DACH1: variants seen among roughly 807,000 people sequenced by gnomAD.
DACH1 encodes the protein dachshund homolog 1.
DACH1 carries 12 observed loss-of-function variants against 54.2 expected under a neutral mutation model. The ratio of observed to expected loss-of-function variants is 0.22; its 90% confidence interval spans 0.14 to 0.36. The LOEUF (loss-of-function observed/expected upper bound fraction) is 0.36. Among genes scored for constraint, DACH1 ranks in the 10% least tolerant of loss-of-function variants. The pLI is 1.00. For synonymous variants in DACH1, 386 were observed against 366.2 expected (o/e 1.05, Z -0.62); for missense variants, 805 against 929.8 (o/e 0.87, Z 1.75).
chr13:71,577,393 C>T (rs1885595471), intron 3 of DACH1, among the ~76,000 whole-genome samples: 1 of 152,164 alleles, frequency 6.6e-6, no homozygotes, highest in Non-Finnish European at 1.5e-5. Context: ...CACAGCCATA[C>T]CTGTCAGTTG....
intron 6 of DACH1, among the ~76,000 whole-genome samples, chr13:71,552,954 G>C (rs1377916070): frequency 6.8e-6 from 1 of 146,768 alleles, no homozygotes; most frequent in Non-Finnish European, 1.5e-5. Context: ...AGCCAAGGCA[G>C]GTGGATCACC....
chr13:71,560,760 T>C lies in DACH1; in HGVS notation c.1300-805A>G, dbSNP rs193270221. 4.1e-3 allele frequency among the ~76,000 whole-genome samples: 628 copies of C among 152,268 alleles called. 4 individuals carry two copies. The highest frequency in any genetic ancestry group is 7.0e-3 in the Non-Finnish European group (476 of 68,014). On this transcript the variant is annotated intron_variant, in intron 4 of 10. Transcript: ENST00000613252. ...AATGTCTCCAATTAGCTATTATAAA[T>C]GGAATTACAGATTAAGAAAGAAGGT...
intron 3 of DACH1, among the ~76,000 whole-genome samples, chr13:71,604,244 A>G (rs1328944776): frequency 6.6e-6 from 1 of 152,016 alleles, no homozygotes; most frequent in Non-Finnish European, 1.5e-5. Flanking sequence ...ATACTTTAAA[A>G]TGTGCTTTAA....
intron 2 of DACH1, among the ~76,000 whole-genome samples, chr13:71,633,971 CTT>C (rs5804582): frequency 0.12 from 17,208 of 142,290 alleles, 2,403 homozygotes; most frequent in African/African-American, 0.34. Context: ...TTTTTTCTTC[CTT>C]TTTTTTTTTT....
chr13:71,809,597 T>C (rs1054642253), intron 1 of DACH1, among the ~76,000 whole-genome samples: 1 of 152,220 alleles, frequency 6.6e-6, no homozygotes, highest in African/African-American at 2.4e-5. Flanking sequence ...TTTAAATGAA[T>C]GTAATTGCTG....
chr13:71,798,250 G>A (rs1359836501), intron 1 of DACH1, among the ~76,000 whole-genome samples: 1 of 148,554 alleles, frequency 6.7e-6, no homozygotes, highest in African/African-American at 2.5e-5. Context: ...GCTTTTATCT[G>A]TTTGACTTTT....
chr13:71,748,182 A>T (rs1260129989), intron 1 of DACH1, among the ~76,000 whole-genome samples: 1 of 152,214 alleles, frequency 6.6e-6, no homozygotes, highest in African/African-American at 2.4e-5. Context: ...CTGAAAAAAA[A>T]AAAAGGAGCA....
Position 71,475,191 on chromosome 13 carries a change from A to T in DACH1, c.2033T>A (p.Ile678Lys), listed in dbSNP as rs778378983. The change falls in exon 10 of 11, where the codon ATA becomes AAA. Residue 678 changes from isoleucine (I) to lysine (K), a missense_variant. Physicochemically the swap from Ile to Lys is moderately radical, Grantham distance 102. Around this residue, in one of 3 missense-constraint regions of DACH1, gnomAD observed 472 missense variants for 545.3 expected, o/e 0.87. Coordinates refer to ENST00000613252, the MANE Select transcript of DACH1 (RefSeq NM_080759.6). Reference protein sequence around the residue: ...RVLNDSLTPEIEADRSGGRTD... With the variant: ...RVLNDSLTPEKEADRSGGRTD... ...TCTGCCGCCACTGCGGTCAGCCTCT[A>T]TCTCTGGGGTCAGAGAGTCTAAAAG... 6.2e-7 allele frequency: 1 copy of T among 1,613,908 alleles called. No individual in the cohort carries two copies. Among genetic ancestry groups the T allele is most frequent in the Non-Finnish European group, 8.5e-7 (1 of 1,179,844 alleles).
chr13:71,680,865 G>A (rs1849351437), intron 2 of DACH1, among the ~76,000 whole-genome samples: 1 of 151,928 alleles, frequency 6.6e-6, no homozygotes, highest in Admixed American at 6.6e-5. Flanking sequence ...AGAGCACACA[G>A]AAAGACAAAT....
At chr13:71,640,019 T>G (rs192581202) in intron 2 of DACH1, among the ~76,000 whole-genome samples, 1 of 152,056 alleles carries the variant, frequency 6.6e-6, no homozygotes, top group East Asian at 1.9e-4. Flanking sequence ...ATTTTACTGA[T>G]GATTAAATTT....
At chr13:71,838,652 AGTTT>A (rs1212596521) in intron 1 of DACH1, among the ~76,000 whole-genome samples, 1 of 152,176 alleles carries the variant, frequency 6.6e-6, no homozygotes, top group African/African-American at 2.4e-5. Flanking sequence ...AAGCAATTTT[AGTTT>A]GTTAGTTGAG....
chr13:71,534,176 C>T (rs994980904), intron 6 of DACH1, among the ~76,000 whole-genome samples: 1 of 151,924 alleles, frequency 6.6e-6, no homozygotes, highest in Non-Finnish European at 1.5e-5. Context: ...GATAAAAAGT[C>T]TTTGAAATGT....
intron 1 of DACH1, among the ~76,000 whole-genome samples, chr13:71,716,802 A>G (rs116101595): frequency 0.02 from 3,060 of 152,272 alleles, 79 homozygotes; most frequent in African/African-American, 0.056. Context: ...GCTGAAGAAG[A>G]AACAAATGAA....
At chr13:71,617,216 T>C (rs956385867) in intron 3 of DACH1, among the ~76,000 whole-genome samples, 4 of 152,176 alleles carry the variant, frequency 2.6e-5, no homozygotes, top group African/African-American at 9.7e-5. Flanking sequence ...TGAGGGACAT[T>C]TGCATGCAGA....
At chr13:71,595,087 C>T (rs1032491153) in intron 3 of DACH1, among the ~76,000 whole-genome samples, 4 of 151,998 alleles carry the variant, frequency 2.6e-5, no homozygotes, top group African/African-American at 4.8e-5. Flanking sequence ...AGGTAGCATT[C>T]GAAGGAGGTG....
intron 3 of DACH1, among the ~76,000 whole-genome samples, chr13:71,584,782 T>C (rs1369177296): frequency 6.6e-6 from 1 of 152,134 alleles, no homozygotes; most frequent in African/African-American, 2.4e-5. Context: ...TTTATGTTCT[T>C]ATTTATGCCA....
intron 6 of DACH1, among the ~76,000 whole-genome samples, chr13:71,503,237 C>T (rs1399477537): frequency 6.6e-6 from 1 of 152,114 alleles, no homozygotes; most frequent in African/African-American, 2.4e-5. Context: ...AGGTTTATTT[C>T]TGTCTGTTTG....
At chr13:71,696,565 GA>G (rs1322929974) in intron 1 of DACH1, among the ~76,000 whole-genome samples, 1 of 133,686 alleles carries the variant, frequency 7.5e-6, no homozygotes, top group Non-Finnish European at 1.6e-5. Flanking sequence ...TTTTTTTTTT[GA>G]GACAGAATTT....
At chr13:71,628,822 G>C (rs983443248) in intron 3 of DACH1, among the ~76,000 whole-genome samples, 7 of 152,056 alleles carry the variant, frequency 4.6e-5, no homozygotes, top group African/African-American at 1.4e-4. Flanking sequence ...TCTTATGCCT[G>C]TTGATTTCTG....
Sources: allele counts gnomAD v4.1 joint callset (sites outside exome capture counted in the v4.1 genomes callset), GRCh38; gene constraint gnomAD v4.1.1; regional missense constraint gnomAD v4.1.1; transcripts MANE v1.5; gene names NCBI Gene and HGNC (gene_info 2026-07-23, HGNC 2026-07-21).